Variants in GABRG3 observed in about 807,000 individuals in gnomAD.
GABRG3 encodes gamma-aminobutyric acid type A receptor subunit gamma3, also known as gamma-aminobutyric acid receptor subunit gamma-3.
GABRG3 carries 25 observed loss-of-function variants against 48.8 expected under a neutral mutation model. That is an observed-to-expected ratio of 0.51 (90% CI 0.37 to 0.72). GABRG3 has a LOEUF of 0.72. GABRG3 is among the 30% of genes least tolerant of loss of function. The probability of loss-of-function intolerance (pLI) is 0.00; values close to 1 mark genes in which losing one functional copy is unlikely to be tolerated. For missense variants in GABRG3, 394 were observed against 577.9 expected, an observed-to-expected ratio of 0.68 and a Z score of 3.26; for synonymous variants, 227 against 217.6, an observed-to-expected ratio of 1.04 and a Z score of -0.38.
chr15:27,382,066 G>C (rs915565224), intron 5 of GABRG3, among the ~76,000 whole-genome samples: 1 of 152,202 alleles, frequency 6.6e-6, no homozygotes, highest in South Asian at 2.1e-4. Context: ...TGAAATTAGA[G>C]TTGCATTGAT....
intron 3 of GABRG3, among the ~76,000 whole-genome samples, chr15:27,047,653 C>T (rs1896387173): frequency 6.6e-6 from 1 of 152,184 alleles, no homozygotes; most frequent in Non-Finnish European, 1.5e-5. Context: ...TTGCAAGCCT[C>T]CTTATAAAAC....
chr15:27,285,301 G>A (rs973033602), intron 3 of GABRG3, among the ~76,000 whole-genome samples: 7 of 118,180 alleles, frequency 5.9e-5, no homozygotes, highest in Non-Finnish European at 9.1e-5. Context: ...GTGTGTGTGT[G>A]TTTTCTTCTT....
intron 3 of GABRG3, among the ~76,000 whole-genome samples, chr15:27,129,070 T>C (rs1566942636): frequency 6.6e-6 from 1 of 152,194 alleles, no homozygotes. Flanking sequence ...GGTATGCATA[T>C]AATATAAAAT....
intron 3 of GABRG3, among the ~76,000 whole-genome samples, chr15:27,267,936 T>G (rs1595624868): frequency 6.6e-6 from 1 of 152,316 alleles, no homozygotes; most frequent in Non-Finnish European, 1.5e-5. Flanking sequence ...TGTTGTTGGA[T>G]TCAATATACT....
chr15:27,156,932 T>C (rs184278804), intron 3 of GABRG3, among the ~76,000 whole-genome samples: 2 of 152,328 alleles, frequency 1.3e-5, no homozygotes, highest in Admixed American at 6.5e-5. Context: ...ACAAGTCATT[T>C]CTTCCCATCA....
intron 6 of GABRG3, among the ~76,000 whole-genome samples, chr15:27,513,668 G>A (rs1890953136): frequency 6.6e-6 from 1 of 151,216 alleles, no homozygotes; most frequent in African/African-American, 2.5e-5. Flanking sequence ...AAAACAAATA[G>A]GACAAACTGT....
intron 1 of GABRG3, among the ~76,000 whole-genome samples, chr15:26,973,024 A>G (rs966429177): frequency 2.6e-5 from 4 of 152,168 alleles, no homozygotes; most frequent in African/African-American, 9.7e-5. Context: ...TTAGAGATGG[A>G]GAGGGAGGCA....
chr15:27,077,517 G>A (rs1896929068), intron 3 of GABRG3, among the ~76,000 whole-genome samples: 1 of 152,032 alleles, frequency 6.6e-6, no homozygotes, highest in Non-Finnish European at 1.5e-5. Context: ...ATTTGCAAAT[G>A]CCCCTTATGG....
intron 3 of GABRG3, among the ~76,000 whole-genome samples, chr15:27,088,809 C>T (rs1000337755): frequency 4.6e-5 from 7 of 152,214 alleles, no homozygotes; most frequent in Admixed American, 3.9e-4. Flanking sequence ...GGTGGGGACG[C>T]AGAGCCAAGC....
intron 3 of GABRG3, among the ~76,000 whole-genome samples, chr15:27,224,932 G>A (rs1161470343): frequency 6.6e-6 from 1 of 151,608 alleles, no homozygotes; most frequent in East Asian, 1.9e-4. Flanking sequence ...GAGGGGAGCT[G>A]AACATGGTCA....
rs897838996 is a variant in GABRG3 at position 27,179,626 on chromosome 15, A to T, written c.271-147183A>T. The stretch of plus-strand genomic sequence containing the variant: ...ATTCACTCATTTCCAGACTACAAAG[A>T]TGCACAGAACCCTCGAGTCCTGTTG... On this transcript the variant is annotated intron_variant, in intron 3 of 9. Transcript: ENST00000615808. The surrounding 1 kb of genome is among the most constrained non-coding windows in gnomAD (Gnocchi z 4.0). Among the ~76,000 whole-genome samples the T allele has an allele frequency of 6.6e-6, 1 of 152,174 alleles. No homozygotes were observed. The highest frequency in any genetic ancestry group is 1.5e-5 in the Non-Finnish European group (1 of 68,022).
chr15:27,217,952 C>T (rs182433698), intron 3 of GABRG3, among the ~76,000 whole-genome samples: 14 of 152,190 alleles, frequency 9.2e-5, no homozygotes, highest in South Asian at 2.1e-4. Context: ...AGTAGGGAGG[C>T]GGAGGAGAAC....
chr15:27,036,243 C>T (rs114180681), intron 3 of GABRG3, among the ~76,000 whole-genome samples: 128 of 152,188 alleles, frequency 8.4e-4, no homozygotes, highest in African/African-American at 2.9e-3. Flanking sequence ...GAATTTGGGC[C>T]GGGCAGGAGA....
At chr15:27,325,814 G>A (rs1011920716) in intron 3 of GABRG3, among the ~76,000 whole-genome samples, 2 of 152,136 alleles carry the variant, frequency 1.3e-5, no homozygotes, top group African/African-American at 4.8e-5. Flanking sequence ...ATCACAGAAA[G>A]ATTCTTTAAT....
chr15:27,427,093 G>A (rs778381142), intron 5 of GABRG3, among the ~76,000 whole-genome samples: 5 of 152,112 alleles, frequency 3.3e-5, no homozygotes, highest in Non-Finnish European at 7.3e-5. Context: ...ATCCAAATGT[G>A]CGAGACTAAA....
intron 3 of GABRG3, among the ~76,000 whole-genome samples, chr15:27,080,016 A>G (rs183784995): frequency 6.2e-4 from 94 of 152,278 alleles, no homozygotes; most frequent in Admixed American, 1.3e-3. Context: ...ATCAGGGGAA[A>G]TGCCAGCTGA....
intron 2 of GABRG3, among the ~76,000 whole-genome samples, chr15:26,997,222 TATC>T (rs1895359159): frequency 6.6e-6 from 1 of 152,202 alleles, no homozygotes; most frequent in Admixed American, 6.5e-5. Flanking sequence ...AAGATTTTGT[TATC>T]ATATATTCAT....
At chr15:27,286,184 T>C (rs927748892) in intron 3 of GABRG3, among the ~76,000 whole-genome samples, 1 of 152,242 alleles carries the variant, frequency 6.6e-6, no homozygotes, top group Non-Finnish European at 1.5e-5. Context: ...TGAACTGATA[T>C]GTACGGATAT....
intron 5 of GABRG3, among the ~76,000 whole-genome samples, chr15:27,342,104 C>T (rs1293384796): frequency 1.3e-5 from 2 of 152,200 alleles, no homozygotes; most frequent in African/African-American, 2.4e-5. Context: ...CACGTCATCG[C>T]AGTCCCAAGG....
Sources: gnomAD v4.1 joint callset for allele counts (sites outside exome capture counted in the v4.1 genomes callset) on GRCh38, gnomAD v4.1.1 for gene constraint, Gnocchi (gnomAD v3.1) non-coding constraint, MANE v1.5 for transcripts, NCBI Gene and HGNC (gene_info 2026-07-23, HGNC 2026-07-21) for gene names.